CSMD1: variants seen among roughly 807,000 people sequenced by gnomAD.
The protein encoded by CSMD1 is CUB and sushi domain-containing protein 1.
Under a neutral mutation model 417.5 loss-of-function variants are expected in CSMD1, and 213 were observed. The observed-to-expected ratio is 0.51, with a 90% CI of 0.46 to 0.57. The LOEUF (loss-of-function observed/expected upper bound fraction) is 0.57. Among genes scored for constraint, CSMD1 ranks in the 20% least tolerant of loss-of-function variants. The pLI is 0.00. For missense variants in CSMD1, 6,923 were observed against 4,529.7 expected (o/e 1.53, Z -15.17); for synonymous variants, 2,862 against 1,736.8 (o/e 1.65, Z -16.11).
chr8:3,651,184 A>T (rs1797836049), intron 7 of CSMD1, among the ~76,000 whole-genome samples: 1 of 152,166 alleles, frequency 6.6e-6, no homozygotes, highest in South Asian at 2.1e-4. Flanking sequence ...TCTGTTCCCT[A>T]GAATGTATTC....
At chr8:4,642,799 A>C (rs1010047220) in intron 1 of CSMD1, among the ~76,000 whole-genome samples, 1 of 152,204 alleles carries the variant, frequency 6.6e-6, no homozygotes, top group Non-Finnish European at 1.5e-5. Context: ...TTTGCTATTC[A>C]AAACCTCTGT....
At chr8:3,736,884 G>C (rs1482784712) in intron 6 of CSMD1, among the ~76,000 whole-genome samples, 1 of 152,188 alleles carries the variant, frequency 6.6e-6, no homozygotes, top group Non-Finnish European at 1.5e-5. Context: ...CTGGCATGTA[G>C]AAGGTGCTGT....
At chr8:3,765,554 C>T (rs960557434) in intron 5 of CSMD1, among the ~76,000 whole-genome samples, 1 of 152,198 alleles carries the variant, frequency 6.6e-6, no homozygotes, top group Non-Finnish European at 1.5e-5. Flanking sequence ...TCTGTATGCA[C>T]TAAAGCCTTA....
At chr8:4,200,253 C>A (rs907825665) in intron 3 of CSMD1, among the ~76,000 whole-genome samples, 1 of 152,112 alleles carries the variant, frequency 6.6e-6, no homozygotes, top group Non-Finnish European at 1.5e-5. Context: ...CTATTCAATA[C>A]ACTGATGATA....
chr8:4,498,520 G>C (rs891663174), intron 2 of CSMD1, among the ~76,000 whole-genome samples: 1 of 152,176 alleles, frequency 6.6e-6, no homozygotes, highest in African/African-American at 2.4e-5. Context: ...AAATTAAATT[G>C]AATTTTAGGG....
chr8:4,331,181 G>C (rs1016390344), intron 3 of CSMD1, among the ~76,000 whole-genome samples: 3 of 152,110 alleles, frequency 2.0e-5, no homozygotes, highest in African/African-American at 7.2e-5. Context: ...GAATAAACCA[G>C]AAAATCTTCC....
chr8:4,068,390 T>A (rs2042528), intron 3 of CSMD1, among the ~76,000 whole-genome samples: 56,640 of 151,918 alleles, frequency 0.37, 11,730 homozygotes, highest in South Asian at 0.51. Flanking sequence ...AGTGTGACTT[T>A]TATTTCACAC....
At chr8:4,577,479 C>T (rs1440666757) in intron 2 of CSMD1, among the ~76,000 whole-genome samples, 1 of 152,200 alleles carries the variant, frequency 6.6e-6, no homozygotes, top group Non-Finnish European at 1.5e-5. Context: ...CCTCCTTCCT[C>T]TTCCCTATGC....
intron 49 of CSMD1, among the ~76,000 whole-genome samples, chr8:3,075,556 C>T (rs1813601399): frequency 6.6e-6 from 1 of 152,010 alleles, no homozygotes; most frequent in South Asian, 2.1e-4. Context: ...GCTGGGATGA[C>T]AGGCATGGAC....
At chr8:4,874,415 A>T (rs1585246047) in intron 1 of CSMD1, among the ~76,000 whole-genome samples, 1 of 119,650 alleles carries the variant, frequency 8.4e-6, no homozygotes, top group South Asian at 2.7e-4. Flanking sequence ...TCTGAGACGG[A>T]GTCTTGCTCT....
intron 1 of CSMD1, among the ~76,000 whole-genome samples, chr8:4,692,657 G>A (rs532237325): frequency 3.3e-5 from 5 of 152,142 alleles, no homozygotes; most frequent in Admixed American, 1.3e-4. Context: ...CTGACCAACT[G>A]TCCTGGTTTG....
At chr8:4,403,955 C>T (rs907620502) in intron 3 of CSMD1, among the ~76,000 whole-genome samples, 5 of 152,194 alleles carry the variant, frequency 3.3e-5, no homozygotes, top group Non-Finnish European at 7.3e-5. Flanking sequence ...CTTTCAAAAC[C>T]TTTGGCATCA....
chr8:3,591,077 G>A (rs188590830), intron 8 of CSMD1, among the ~76,000 whole-genome samples: 12 of 152,224 alleles, frequency 7.9e-5, no homozygotes, highest in South Asian at 2.1e-4. Flanking sequence ...ACTTTAGTCC[G>A]CCCTAGATTA....
intron 23 of CSMD1, among the ~76,000 whole-genome samples, chr8:3,342,088 A>G (rs912295019): frequency 6.6e-6 from 1 of 152,244 alleles, no homozygotes; most frequent in African/African-American, 2.4e-5. Flanking sequence ...TTGTGCACAA[A>G]TATTAATTCA....
At chr8:3,217,138 G>A (rs1348832008) in intron 29 of CSMD1, among the ~76,000 whole-genome samples, 1 of 152,100 alleles carries the variant, frequency 6.6e-6, no homozygotes, top group African/African-American at 2.4e-5. Flanking sequence ...GCTCCAGGCT[G>A]GAAGAAATGG....
chr8:4,141,161 T>C (rs936142299), intron 3 of CSMD1, among the ~76,000 whole-genome samples: 3 of 151,180 alleles, frequency 2.0e-5, no homozygotes, highest in Non-Finnish European at 2.9e-5. Flanking sequence ...ACAGAACGTG[T>C]CTCTCACAGT....
At chr8:3,389,252 ATCCTC>A (rs1811202313) in intron 17 of CSMD1, among the ~76,000 whole-genome samples, 1 of 151,902 alleles carries the variant, frequency 6.6e-6, no homozygotes, top group South Asian at 2.1e-4. Context: ...GTTTTTCCCG[ATCCTC>A]TCCTTCCTGC....
At chr8:3,911,925 C>G (rs77894455) in intron 5 of CSMD1, among the ~76,000 whole-genome samples, 251 of 152,318 alleles carry the variant, frequency 1.6e-3, no homozygotes, top group African/African-American at 5.7e-3. Context: ...GGATTCTCCT[C>G]TATGTGTTTT....
chr8:4,338,737 A>C (rs1800312578), intron 3 of CSMD1, among the ~76,000 whole-genome samples: 1 of 152,088 alleles, frequency 6.6e-6, no homozygotes, highest in South Asian at 2.1e-4. Flanking sequence ...TTTTTCGCCT[A>C]ATTCATAAGC....
Sources: allele counts gnomAD v4.1 joint callset (sites outside exome capture counted in the v4.1 genomes callset), GRCh38; gene constraint gnomAD v4.1.1; transcripts MANE v1.5; gene names NCBI Gene and HGNC (gene_info 2026-07-23, HGNC 2026-07-21).